The following FANCC variants were observed in gnomAD, a reference collection of about 807,000 sequenced individuals.
The protein encoded by FANCC is Fanconi anemia group C protein.
Under a neutral mutation model 71.3 loss-of-function variants are expected in FANCC, and 55 were observed. That is an observed-to-expected ratio of 0.77 (90% CI 0.62 to 0.97). FANCC has a LOEUF of 0.97. Among genes scored for constraint, FANCC ranks in the 50% least tolerant of loss-of-function variants. FANCC has a pLI of 0.00. For missense variants in FANCC, 678 were observed against 670.9 expected (o/e 1.01, Z -0.12); for synonymous variants, 275 against 244.9 (o/e 1.12, Z -1.15).
chr9:95,117,171 G>A, intron 11 of FANCC, 144 bp downstream of exon 11: 1 of 746,644 alleles, frequency 1.3e-6, no homozygotes, highest in South Asian at 1.5e-5. Context: ...CAGAATGTGG[G>A]ATCCTGGGGG....
chr9:95,200,536 A>G (rs1278505986), intron 4 of FANCC, among the ~76,000 whole-genome samples: 1 of 152,208 alleles, frequency 6.6e-6, no homozygotes, highest in Non-Finnish European at 1.5e-5. Context: ...CAGCAGAGTC[A>G]GGGATGTGAG....
intron 1 of FANCC, among the ~76,000 whole-genome samples, chr9:95,297,791 CAAAATGTCACAAT>C (rs1834473838): frequency 6.6e-6 from 1 of 152,058 alleles, no homozygotes; most frequent in South Asian, 2.1e-4. Flanking sequence ...TACTAATGGA[CAAAATGTCACAAT>C]AAAATTTCTC....
intron 14 of FANCC, among the ~76,000 whole-genome samples, chr9:95,105,383 G>C (rs781328502): frequency 1.3e-5 from 2 of 152,096 alleles, no homozygotes; most frequent in Non-Finnish European, 2.9e-5. Flanking sequence ...AGGTGTTGTT[G>C]GTTTGTGAAA....
At chr9:95,146,113 T>C (rs1340915772) in intron 7 of FANCC, among the ~76,000 whole-genome samples, 1 of 152,186 alleles carries the variant, frequency 6.6e-6, no homozygotes. Context: ...TATTGTAGTT[T>C]TGTTTTTTTA....
chr9:95,122,571 G>A (rs974739292), intron 10 of FANCC, among the ~76,000 whole-genome samples: 1 of 152,220 alleles, frequency 6.6e-6, no homozygotes. Flanking sequence ...CCAGGACCCA[G>A]TGTGTGGTCC....
At chr9:95,205,261 A>AT (rs1418781639) in intron 4 of FANCC, among the ~76,000 whole-genome samples, 2 of 152,204 alleles carry the variant, frequency 1.3e-5, no homozygotes, top group African/African-American at 4.8e-5. Context: ...ATAGTATACT[A>AT]TGACTTTAGT....
intron 1 of FANCC, among the ~76,000 whole-genome samples, chr9:95,290,862 A>G (rs530074030): frequency 3.9e-5 from 6 of 152,274 alleles, no homozygotes; most frequent in Middle Eastern, 6.8e-3. Flanking sequence ...AACAACACAT[A>G]AAAAAAGATC....
At chr9:95,110,686 A>C in intron 13 of FANCC, 1 of 1,054,550 alleles carries the variant, frequency 9.5e-7, no homozygotes, top group Non-Finnish European at 1.1e-6. Flanking sequence ...AAGCCAAGAG[A>C]AGCAGGGCTC....
chr9:95,292,140 A>T (rs2136317279), intron 1 of FANCC, among the ~76,000 whole-genome samples: 1 of 149,960 alleles, frequency 6.7e-6, no homozygotes, highest in East Asian at 1.9e-4. Context: ...ATGGAACAGA[A>T]AAGAGAACAC....
chr9:95,166,012 TTATA>T (rs1371415266), intron 6 of FANCC, among the ~76,000 whole-genome samples: 1 of 152,064 alleles, frequency 6.6e-6, no homozygotes, highest in Non-Finnish European at 1.5e-5. Flanking sequence ...ACTCTTATTA[TTATA>T]TAATCTTTTT....
intron 4 of FANCC, among the ~76,000 whole-genome samples, chr9:95,174,891 C>T (rs964684783): frequency 2.0e-5 from 3 of 152,180 alleles, no homozygotes; most frequent in African/African-American, 7.2e-5. Flanking sequence ...TTACCATTAT[C>T]ACGGTGGTCA....
At chr9:95,171,273 C>CA (rs1825662086) in intron 5 of FANCC, 130 bp from the exon 6 acceptor site, 4 of 738,918 alleles carry the variant, frequency 5.4e-6, no homozygotes, top group South Asian at 4.4e-5. Flanking sequence ...TTCACTCTGT[C>CA]AGAGTGAAAA....
chr9:95,230,684 A>T (rs557371362), intron 4 of FANCC, among the ~76,000 whole-genome samples: 1 of 152,084 alleles, frequency 6.6e-6, no homozygotes, highest in African/African-American at 2.4e-5. Flanking sequence ...GGACCCAAAG[A>T]GTGAGCAGCA....
intron 6 of FANCC, 21 bp downstream of exon 6, chr9:95,171,058 G>T (rs1445651693): frequency 6.3e-7 from 1 of 1,592,446 alleles, no homozygotes; most frequent in Non-Finnish European, 8.6e-7. Context: ...TGAGAAGAAG[G>T]ATGTTTAGTT....
At chr9:95,102,839 C>T (rs1183527348) in intron 14 of FANCC, among the ~76,000 whole-genome samples, 3 of 152,200 alleles carry the variant, frequency 2.0e-5, no homozygotes, top group Admixed American at 6.5e-5. Context: ...GAGTAAACGA[C>T]GTGGTGTGGA....
At chr9:95,245,994 A>C (rs1564791404) in intron 3 of FANCC, among the ~76,000 whole-genome samples, 1 of 152,076 alleles carries the variant, frequency 6.6e-6, no homozygotes, top group African/African-American at 2.4e-5. Flanking sequence ...CAGAAAGTCT[A>C]AGGGGGGTGC....
chr9:95,201,825 T>C (rs1356237631), intron 4 of FANCC, among the ~76,000 whole-genome samples: 1 of 152,202 alleles, frequency 6.6e-6, no homozygotes, highest in East Asian at 1.9e-4. Flanking sequence ...TAGATAGCTG[T>C]AGATCCTTTT....
At chr9:95,285,261 A>G (rs919651267) in intron 1 of FANCC, among the ~76,000 whole-genome samples, 3 of 152,098 alleles carry the variant, frequency 2.0e-5, no homozygotes, top group Non-Finnish European at 4.4e-5. Flanking sequence ...TGGCTGAGAT[A>G]ATATTATAAA....
intron 14 of FANCC, 28 bp downstream of exon 14, chr9:95,107,038 T>C (rs752042825): frequency 8.1e-6 from 13 of 1,612,076 alleles, no homozygotes; most frequent in Non-Finnish European, 1.1e-5. Flanking sequence ...AAATGAGTAC[T>C]AGGATGCTGG....
Sources: allele counts gnomAD v4.1 joint callset (sites outside exome capture counted in the v4.1 genomes callset), GRCh38; gene constraint gnomAD v4.1.1; transcripts MANE v1.5; gene names NCBI Gene and HGNC (gene_info 2026-07-23, HGNC 2026-07-21).